ADAMTS2: variants seen among roughly 807,000 people sequenced by gnomAD.
ADAMTS2 encodes the protein A disintegrin and metalloproteinase with thrombospondin motifs 2.
In ADAMTS2, 50 loss-of-function variants were observed where a neutral mutation model predicts 123.0. The observed-to-expected ratio is 0.41, with a 90% confidence interval of 0.32 to 0.51. The LOEUF (loss-of-function observed/expected upper bound fraction) is 0.51. Ranked by LOEUF, ADAMTS2 falls within the 20% of genes least tolerant of loss-of-function variation. ADAMTS2 has a pLI of 0.35. For missense variants in ADAMTS2, 1,494 were observed against 1,705.2 expected, an observed-to-expected ratio of 0.88 and a Z score of 2.18; for synonymous variants, 678 against 695.4, an observed-to-expected ratio of 0.98 and a Z score of 0.39.
intron 3 of ADAMTS2, among the ~76,000 whole-genome samples, chr5:179,239,334 G>A (rs1345066993): frequency 6.6e-6 from 1 of 152,156 alleles, no homozygotes; most frequent in Admixed American, 6.5e-5. Context: ...AGGAAGAGAG[G>A]GGTCAACCCT....
chr5:179,245,993 C>A (rs1025037194), intron 3 of ADAMTS2, among the ~76,000 whole-genome samples: 4 of 152,106 alleles, frequency 2.6e-5, no homozygotes, highest in African/African-American at 4.8e-5. Context: ...GCTAGTAAAT[C>A]TCAGAATCGA....
rs181279899 is a variant in ADAMTS2 at position 179,240,652 on chromosome 5, G to A, written c.688+32259C>T. ...GGAAACCTTGACAGCTGTGGTCATGGTCGACCTCATGGGAAATTTTGCAAA... is the reference window on the plus strand; with the variant it reads ...GGAAACCTTGACAGCTGTGGTCATGATCGACCTCATGGGAAATTTTGCAAA... On this transcript the variant is annotated intron_variant, in intron 3 of 21. Transcript: ENST00000251582. Among the ~76,000 whole-genome samples the A allele has an allele frequency of 1.4e-4, 21 of 152,336 alleles. 1 individual carries two copies. The highest frequency in any genetic ancestry group is 6.8e-3 in the Middle Eastern group (2 of 294).
chr5:179,227,304 G>A (rs184837711), intron 3 of ADAMTS2, among the ~76,000 whole-genome samples: 3 of 152,332 alleles, frequency 2.0e-5, no homozygotes, highest in Non-Finnish European at 2.9e-5. Flanking sequence ...AGCAAGCCAC[G>A]CACATGCAGG....
chr5:179,304,533 A>G (rs79463018), intron 2 of ADAMTS2, among the ~76,000 whole-genome samples: 9,250 of 152,298 alleles, frequency 0.061, 908 homozygotes, highest in African/African-American at 0.21. Context: ...CGGAAATTTT[A>G]GAACTGAAAA....
At chr5:179,124,766 G>A (rs1762821851) in intron 19 of ADAMTS2, among the ~76,000 whole-genome samples, 2 of 152,134 alleles carry the variant, frequency 1.3e-5, no homozygotes, top group South Asian at 2.1e-4. Flanking sequence ...TGCTTACCTG[G>A]GACCAGGGCC....
chr5:179,337,840 C>G (rs570406890), intron 2 of ADAMTS2, among the ~76,000 whole-genome samples: 1 of 151,242 alleles, frequency 6.6e-6, no homozygotes, highest in South Asian at 2.1e-4. Flanking sequence ...GAGGACCTGG[C>G]CTTCACCTCC....
At chr5:179,297,392 T>C (rs1377258428) in intron 2 of ADAMTS2, among the ~76,000 whole-genome samples, 2 of 152,082 alleles carry the variant, frequency 1.3e-5, no homozygotes, top group African/African-American at 2.4e-5. Flanking sequence ...CCCACCTGCC[T>C]GGCAATGCAG....
intron 2 of ADAMTS2, among the ~76,000 whole-genome samples, chr5:179,304,599 A>G (rs1269219797): frequency 1.3e-5 from 2 of 152,230 alleles, no homozygotes; most frequent in African/African-American, 2.4e-5. Context: ...CAGAATGGAT[A>G]TGACAGAGGA....
intron 1 of ADAMTS2, among the ~76,000 whole-genome samples, chr5:179,344,837 G>C (rs984379898): frequency 6.6e-6 from 1 of 152,172 alleles, no homozygotes; most frequent in Non-Finnish European, 1.5e-5. Flanking sequence ...CTCCTCCGGA[G>C]CGTCCCCGGA....
chr5:179,230,135 C>T (rs554262185), intron 3 of ADAMTS2, among the ~76,000 whole-genome samples: 8 of 152,276 alleles, frequency 5.3e-5, no homozygotes, highest in East Asian at 1.9e-4. Flanking sequence ...AACATATCAC[C>T]GGATTAAGTG....
intron 2 of ADAMTS2, among the ~76,000 whole-genome samples, chr5:179,278,936 T>C (rs1016903672): frequency 9.3e-5 from 14 of 151,134 alleles, no homozygotes; most frequent in Non-Finnish European, 2.9e-5. Context: ...TTTATAAAGA[T>C]CCAAAGGCTT....
intron 2 of ADAMTS2, among the ~76,000 whole-genome samples, chr5:179,337,717 C>T (rs1384782880): frequency 6.6e-6 from 1 of 152,240 alleles, no homozygotes; most frequent in Non-Finnish European, 1.5e-5. Flanking sequence ...AGGCCCAGAC[C>T]ATAGCTCAGG....
intron 2 of ADAMTS2, among the ~76,000 whole-genome samples, chr5:179,289,236 G>T (rs114960437): frequency 6.6e-6 from 1 of 152,194 alleles, no homozygotes; most frequent in African/African-American, 2.4e-5. Flanking sequence ...AGGTGCTTTC[G>T]GTGGTCAAAT....
At chr5:179,288,594 T>A (rs956070978) in intron 2 of ADAMTS2, among the ~76,000 whole-genome samples, 5 of 152,076 alleles carry the variant, frequency 3.3e-5, no homozygotes, top group Non-Finnish European at 7.4e-5. Flanking sequence ...GACTCTGGGA[T>A]GTGTATTTAT....
intron 3 of ADAMTS2, among the ~76,000 whole-genome samples, chr5:179,232,249 T>C (rs1022761592): frequency 3.3e-5 from 5 of 152,188 alleles, no homozygotes; most frequent in Admixed American, 2.0e-4. Context: ...TTTTATCAAA[T>C]CTCCGACTAT....
In ADAMTS2 at chr5:179,130,108, G is replaced by A. The variant is rs753601981; in HGVS notation, c.2291-10C>T. The A allele has an allele frequency of 1.2e-6, 2 of 1,613,852 alleles. No individual in the cohort carries two copies. Among genetic ancestry groups the A allele is most frequent in the Non-Finnish European group, 8.5e-7 (1 of 1,180,020 alleles). ...TCCAGGTTCTTGACGGCTGAGAATG[G>A]CAAGACCAAGTCCCCCGTTGTGGTC... On this transcript the variant is annotated splice_polypyrimidine_tract_variant and intron_variant, in intron 15 of 21. Coordinates refer to ENST00000251582, the MANE Select transcript of ADAMTS2 (RefSeq NM_014244.5). This position sits in a 1 kb window ranked among gnomAD's most constrained non-coding sequence, Gnocchi z 4.3.
In ADAMTS2 at chr5:179,129,186, C is replaced by T. The variant is rs1762916120; in HGVS notation, c.2457+746G>A. ...GCAGGCAGGTCACCAAAGGCACGTC[C>T]AGGGGGCCAGAAGTCACTGCAGGCG... On this transcript the variant is annotated intron_variant, in intron 16 of 21. Coordinates refer to ENST00000251582, the MANE Select transcript of ADAMTS2 (RefSeq NM_014244.5). This position sits in a 1 kb window ranked among gnomAD's most constrained non-coding sequence, Gnocchi z 4.1. Among the ~76,000 whole-genome samples the T allele has an allele frequency of 6.6e-6, 1 of 152,154 alleles. No individual in the cohort carries two copies. Among genetic ancestry groups the T allele is most frequent in the Non-Finnish European group, 1.5e-5 (1 of 68,034 alleles).
intron 4 of ADAMTS2, among the ~76,000 whole-genome samples, chr5:179,184,568 C>G (rs116434736): frequency 2.7e-3 from 410 of 151,854 alleles, no homozygotes; most frequent in Non-Finnish European, 4.4e-3. Flanking sequence ...CACGTTTGAG[C>G]CTAAGCGTGT....
rs374958802 is a variant in ADAMTS2 at position 179,298,884 on chromosome 5, C to T, written c.535-25820G>A. Among the ~76,000 whole-genome samples, 15 of 152,266 alleles carry T rather than the reference C, an allele frequency of 9.9e-5. No homozygotes were observed. In the East Asian group the frequency reaches 1.2e-3, roughly 12 times the overall value. On this transcript the variant is annotated intron_variant, in intron 2 of 21. Transcript: ENST00000251582. ...CTTAATAACCTAAAATCCAACCACTCGGAAGTTTTTTCAACATTCCTCTAA... is the reference window on the plus strand; with the variant it reads ...CTTAATAACCTAAAATCCAACCACTTGGAAGTTTTTTCAACATTCCTCTAA...
Sources: allele counts gnomAD v4.1 joint callset (sites outside exome capture counted in the v4.1 genomes callset), GRCh38; gene constraint gnomAD v4.1.1; non-coding constraint Gnocchi (gnomAD v3.1); transcripts MANE v1.5; gene names NCBI Gene and HGNC (gene_info 2026-07-23, HGNC 2026-07-21).